Variants in RGS5 observed in about 807,000 individuals in gnomAD.
The protein encoded by RGS5 is regulator of G-protein signalling 5.
RGS5 carries 20 observed loss-of-function variants against 18.9 expected under a neutral mutation model. The ratio of observed to expected loss-of-function variants is 1.06; its 90% confidence interval spans 0.74 to 1.54. The LOEUF (loss-of-function observed/expected upper bound fraction) is 1.54, where lower values mean the gene tolerates loss of function less well. Ranked by LOEUF, RGS5 falls within the 40% of genes most tolerant of loss-of-function variation. The pLI, the probability that RGS5 is intolerant of heterozygous loss-of-function variation, is 0.00. For missense variants in RGS5, 201 were observed against 211.8 expected (o/e 0.95, Z 0.32); for synonymous variants, 57 against 76.2 (o/e 0.75, Z 1.31).
chr1:163,312,710 G>T (rs1649902145), intron 1 of RGS5, among the ~76,000 whole-genome samples: 1 of 152,188 alleles, frequency 6.6e-6, no homozygotes, highest in Non-Finnish European at 1.5e-5. Flanking sequence ...CAGGAATCTG[G>T]ACTCCAGCAG....
At chr1:163,198,406 A>G (rs1271826943) in intron 1 of RGS5, among the ~76,000 whole-genome samples, 4 of 152,110 alleles carry the variant, frequency 2.6e-5, no homozygotes, top group African/African-American at 7.2e-5. Flanking sequence ...TAAAATACTA[A>G]TAACTGCACT....
In RGS5 at chr1:163,246,436, T is replaced by C. The variant is rs896186840; in HGVS notation, c.-281+59797A>G. Reference sequence around the variant, plus strand: ...AATACAAAAAATTAGCTGGGCACAGTGGCGTGCACCTGTAGTCCCAGCTAC... The same window carrying C: ...AATACAAAAAATTAGCTGGGCACAGCGGCGTGCACCTGTAGTCCCAGCTAC... On this transcript the variant is annotated intron_variant, in intron 2 of 5. Transcript: ENST00000618415. 1.7e-3 allele frequency among the ~76,000 whole-genome samples: 254 copies of C among 151,202 alleles called. 2 individuals are homozygous for C. The highest frequency in any genetic ancestry group is 5.9e-3 in the African/African-American group (244 of 41,120).
At chr1:163,289,781 T>C (rs1200575673) in intron 2 of RGS5, among the ~76,000 whole-genome samples, 1 of 152,170 alleles carries the variant, frequency 6.6e-6, no homozygotes, top group African/African-American at 2.4e-5. Context: ...CTAGAAATTA[T>C]TTAGGCAGAT....
intron 2 of RGS5, among the ~76,000 whole-genome samples, chr1:163,226,264 GA>G (rs1407505238): frequency 1.3e-5 from 2 of 152,130 alleles, no homozygotes; most frequent in Non-Finnish European, 2.9e-5. Context: ...GATTTAATAC[GA>G]AAAACTGTTA....
chr1:163,174,714 G>A (rs554368523), intron 1 of RGS5, among the ~76,000 whole-genome samples: 5 of 152,266 alleles, frequency 3.3e-5, no homozygotes, highest in East Asian at 3.9e-4. Context: ...AATCTGAAAA[G>A]AATCAATTAT....
intron 2 of RGS5, among the ~76,000 whole-genome samples, chr1:163,275,875 C>G (rs1293871258): frequency 6.6e-6 from 1 of 152,068 alleles, no homozygotes; most frequent in Admixed American, 6.6e-5. Context: ...ATTGTAAGGG[C>G]TGGTTTTGAG....
intron 1 of RGS5, among the ~76,000 whole-genome samples, chr1:163,169,107 G>A (rs899412221): frequency 6.7e-5 from 10 of 150,336 alleles, no homozygotes; most frequent in African/African-American, 2.2e-4. Context: ...GTGAGAACAT[G>A]TGCTGTTTGG....
chr1:163,181,225 C>A (rs1257485645), intron 1 of RGS5, among the ~76,000 whole-genome samples: 1 of 152,134 alleles, frequency 6.6e-6, no homozygotes, highest in Non-Finnish European at 1.5e-5. Flanking sequence ...ACATCCTCAG[C>A]TGCTAACCTT....
chr1:163,161,178 T>C (rs891629381), intron 3 of RGS5, among the ~76,000 whole-genome samples: 1 of 152,198 alleles, frequency 6.6e-6, no homozygotes, highest in Admixed American at 6.6e-5. Flanking sequence ...AAGGGGATTA[T>C]ATGTAGAAAT....
intron 2 of RGS5, among the ~76,000 whole-genome samples, chr1:163,291,192 C>T (rs919119815): frequency 3.1e-4 from 47 of 151,222 alleles, no homozygotes; most frequent in African/African-American, 1.1e-3. Context: ...CATGTCAAAT[C>T]TCTAATGAAG....
intron 4 of RGS5, 125 bp downstream of exon 4, chr1:163,152,425 T>C: frequency 1.0e-6 from 1 of 955,950 alleles, no homozygotes; most frequent in Non-Finnish European, 1.6e-6. Context: ...AGGTGCTTAA[T>C]AAGGTGGTCG....
At chr1:163,273,449 T>A (rs1339969095) in intron 2 of RGS5, among the ~76,000 whole-genome samples, 1 of 152,122 alleles carries the variant, frequency 6.6e-6, no homozygotes, top group Non-Finnish European at 1.5e-5. Context: ...ATCTTCCTGA[T>A]TATTTGATCT....
chr1:163,171,612 C>A (rs927552112), intron 1 of RGS5, among the ~76,000 whole-genome samples: 1 of 151,988 alleles, frequency 6.6e-6, no homozygotes, highest in Non-Finnish European at 1.5e-5. Flanking sequence ...GAGCCTTTTG[C>A]TTTTGTAAAA....
intron 1 of RGS5, 53 bp downstream of exon 1, chr1:163,202,739 A>G: frequency 6.4e-7 from 1 of 1,560,016 alleles, no homozygotes; most frequent in Non-Finnish European, 8.8e-7. Context: ...GCCTCCCTTG[A>G]GTAAAGATTC....
At chr1:163,249,108 C>T (rs1318440707) in intron 2 of RGS5, among the ~76,000 whole-genome samples, 2 of 152,214 alleles carry the variant, frequency 1.3e-5, no homozygotes, top group African/African-American at 4.8e-5. Context: ...CCCTATAGGG[C>T]ATGAGGTGCT....
chr1:163,153,914 G>T (rs1248072700), intron 3 of RGS5, among the ~76,000 whole-genome samples: 1 of 151,898 alleles, frequency 6.6e-6, no homozygotes, highest in Admixed American at 6.6e-5. Context: ...GAAAAATAAA[G>T]ATTTCAAACA....
At chr1:163,194,645 C>T (rs143657212) in intron 1 of RGS5, among the ~76,000 whole-genome samples, 3 of 152,072 alleles carry the variant, frequency 2.0e-5, no homozygotes, top group Non-Finnish European at 4.4e-5. Flanking sequence ...TCTAAAAAGA[C>T]TGTGTTTTTC....
At chr1:163,217,209 C>G (rs1660239902) in intron 1 of RGS5, among the ~76,000 whole-genome samples, 1 of 152,140 alleles carries the variant, frequency 6.6e-6, no homozygotes, top group Non-Finnish European at 1.5e-5. Flanking sequence ...TATCACAAAC[C>G]TGCACATGTA....
intron 2 of RGS5, among the ~76,000 whole-genome samples, chr1:163,164,483 C>A (rs746746417): frequency 6.6e-6 from 1 of 152,214 alleles, no homozygotes; most frequent in East Asian, 1.9e-4. Flanking sequence ...TCTTTTTACT[C>A]TACTCTTACC....
Sources: allele counts gnomAD v4.1 joint callset (sites outside exome capture counted in the v4.1 genomes callset), GRCh38; gene constraint gnomAD v4.1.1; transcripts MANE v1.5; gene names NCBI Gene and HGNC (gene_info 2026-07-23, HGNC 2026-07-21).